Variants in CAMTA1 observed in about 807,000 individuals in gnomAD.
CAMTA1 encodes calmodulin-binding transcription activator 1.
CAMTA1 carries 27 observed loss-of-function variants against 170.9 expected under a neutral mutation model. The ratio of observed to expected loss-of-function variants is 0.16; its 90% CI spans 0.12 to 0.22. The LOEUF (loss-of-function observed/expected upper bound fraction) is 0.22. Ranked by LOEUF, CAMTA1 falls within the 10% of genes least tolerant of loss-of-function variation. CAMTA1 has a pLI of 1.00. For synonymous variants in CAMTA1, 833 were observed against 891.5 expected, an observed-to-expected ratio of 0.93 and a Z score of 1.17; for missense variants, 1,619 against 2,217.2, an observed-to-expected ratio of 0.73 and a Z score of 5.42.
intron 5 of CAMTA1, among the ~76,000 whole-genome samples, chr1:7,276,303 A>ATATATATATATATATATATATTTTTTTTT: frequency 8.3e-5 from 2 of 24,230 alleles, no homozygotes; most frequent in African/African-American, 5.9e-4. Flanking sequence ...ATATATATAT[A>ATATATATATATATATATATATTTTTTTTT]TTTTTTTTTT....
intron 5 of CAMTA1, among the ~76,000 whole-genome samples, chr1:7,450,428 A>G (rs1457762484): frequency 2.6e-5 from 4 of 152,218 alleles, no homozygotes; most frequent in African/African-American, 9.7e-5. Flanking sequence ...CAAGAAGGAA[A>G]GCAGGCGCCC....
chr1:7,243,819 C>A (rs1396566517), intron 4 of CAMTA1, among the ~76,000 whole-genome samples: 1 of 152,092 alleles, frequency 6.6e-6, no homozygotes, highest in Admixed American at 6.6e-5. Flanking sequence ...TTTTTCAGGA[C>A]ATAGGAATGG....
intron 5 of CAMTA1, among the ~76,000 whole-genome samples, chr1:7,405,097 C>T (rs2090193117): frequency 6.6e-6 from 1 of 152,036 alleles, no homozygotes; most frequent in African/African-American, 2.4e-5. Context: ...AGGCTGGTCT[C>T]TGTGGGCTAA....
At chr1:6,990,458 A>G (rs2100413981) in intron 3 of CAMTA1, among the ~76,000 whole-genome samples, 1 of 152,350 alleles carries the variant, frequency 6.6e-6, no homozygotes, top group East Asian at 1.9e-4. Context: ...ACAGTAAATC[A>G]CAGCTAACAG....
intron 1 of CAMTA1, among the ~76,000 whole-genome samples, chr1:6,814,309 T>G (rs1206924300): frequency 2.6e-5 from 4 of 152,186 alleles, no homozygotes; most frequent in Admixed American, 6.5e-5. Context: ...ACCCATCTCC[T>G]TCTCTTCCTC....
intron 3 of CAMTA1, among the ~76,000 whole-genome samples, chr1:6,890,551 G>A (rs568502779): frequency 6.6e-6 from 1 of 151,730 alleles, no homozygotes; most frequent in African/African-American, 2.4e-5. Flanking sequence ...TGCCCACTTA[G>A]GCTCTTGGAC....
At position 6,911,954 on chromosome 1, in the gene CAMTA1, C is replaced by T. The variant is rs1227762461; in HGVS notation, c.234+86744C>T. On this transcript the variant is annotated intron_variant, in intron 3 of 22. Transcript: ENST00000303635. ...AGCTGCTAAGATCAACTCCCTTTGTCTTCCTGAATCCCTGCTCTCTTTCCC... is the reference window on the plus strand; with the variant it reads ...AGCTGCTAAGATCAACTCCCTTTGTTTTCCTGAATCCCTGCTCTCTTTCCC... Among the ~76,000 whole-genome samples, 5 of 152,210 alleles carry T rather than the reference C, an allele frequency of 3.3e-5. No individual in the cohort carries two copies. The East Asian group carries it at 5.8e-4, about 18-fold the overall frequency.
At chr1:7,579,547 CTTTTCTTTTTT>C (rs1195756004) in intron 6 of CAMTA1, among the ~76,000 whole-genome samples, 1,810 of 110,952 alleles carry the variant, frequency 0.016, 22 homozygotes, top group African/African-American at 0.07. Context: ...CTTTTCTTTT[CTTTTCTTTTTT>C]TTTTTTTTTT....
chr1:7,749,324 G>A (rs550573757), intron 19 of CAMTA1, among the ~76,000 whole-genome samples: 8 of 152,198 alleles, frequency 5.3e-5, no homozygotes, highest in Middle Eastern at 6.8e-3. Context: ...GTGGGGGGAC[G>A]TCTTTGGCTT....
At chr1:7,372,359 G>A (rs946602209) in intron 5 of CAMTA1, among the ~76,000 whole-genome samples, 1 of 152,174 alleles carries the variant, frequency 6.6e-6, no homozygotes, top group South Asian at 2.1e-4. Flanking sequence ...ATTTTTGTGA[G>A]TATCCTTGCT....
rs1004169514 is a variant in CAMTA1 at position 7,565,294 on chromosome 1, C to T, written c.511-75106C>T. ...AGAAGTGGGCGCTGCCTTTGGGGCC[C>T]ACGGGCCTATGGGGATGGGAGTGAG... On this transcript the variant is annotated intron_variant, in intron 6 of 22. Coordinates refer to ENST00000303635, the MANE Select transcript of CAMTA1 (RefSeq NM_015215.4). The surrounding 1 kb of genome is among the most constrained non-coding windows in gnomAD (Gnocchi z 4.5). 6.6e-6 allele frequency among the ~76,000 whole-genome samples: 1 copy of T among 152,102 alleles called. No homozygotes were observed. The highest frequency in any genetic ancestry group is 2.4e-5 in the African/African-American group (1 of 41,418).
intron 5 of CAMTA1, among the ~76,000 whole-genome samples, chr1:7,407,594 T>TG (rs1400378144): frequency 6.6e-6 from 1 of 152,096 alleles, no homozygotes; most frequent in African/African-American, 2.4e-5. Context: ...GGGTGGGTGT[T>TG]GGGGGGTGAC....
Position 7,371,239 on chromosome 1 carries a change from TTTTGTTTG to T in CAMTA1, c.439-96563_439-96556del, listed in dbSNP as rs61520755. Among the ~76,000 whole-genome samples the T allele has an allele frequency of 2.8e-3, 406 of 147,364 alleles. 3 individuals are homozygous for T. Among genetic ancestry groups the T allele is most frequent in the African/African-American group, 9.4e-3 (372 of 39,508 alleles). ...ATGTGGCACTTTCTAATGCTCTGGG[TTTTGTTTG>T]TTTGTTTGTTTGTTTGTTTGTTTGT... is the stretch of plus-strand genomic sequence containing the variant. On this transcript the variant is annotated intron_variant, in intron 5 of 22. Transcript: ENST00000303635.
chr1:6,995,582 G>A (rs1006327626), intron 3 of CAMTA1, among the ~76,000 whole-genome samples: 22 of 152,038 alleles, frequency 1.4e-4, no homozygotes, highest in Non-Finnish European at 5.9e-5. Context: ...GATTACAGGC[G>A]TGAGCCACCG....
At position 7,211,600 on chromosome 1, in the gene CAMTA1, T is replaced by C. The variant is rs142854024; in HGVS notation, c.303-37891T>C. On this transcript the variant is annotated intron_variant, in intron 4 of 22. Coordinates refer to ENST00000303635, the MANE Select transcript of CAMTA1 (RefSeq NM_015215.4). Reference sequence around the variant, plus strand: ...GTGGTTCTTTGCACCCGTCATTCTTTGAGCGCTTCCTTTTTTCTGGTCCAG... The same window carrying C: ...GTGGTTCTTTGCACCCGTCATTCTTCGAGCGCTTCCTTTTTTCTGGTCCAG... 2.8e-3 allele frequency among the ~76,000 whole-genome samples: 420 copies of C among 152,332 alleles called. 1 individual carries two copies. Among genetic ancestry groups the C allele is most frequent in the African/African-American group, 9.7e-3 (403 of 41,576 alleles).
chr1:7,092,097 C>G lies in CAMTA1; in HGVS notation c.302+726C>G, dbSNP rs1641546371. Among the ~76,000 whole-genome samples, 1 of 152,234 alleles carries G rather than the reference C, an allele frequency of 6.6e-6. No homozygotes were observed. The highest frequency in any genetic ancestry group is 6.5e-5 in the Admixed American group (1 of 15,282). ...AGCTTCGGAAATACATGGCCACTCT[C>G]TTCCAATTGCCGTAAGTTTTCTGTT... On this transcript the variant is annotated intron_variant, in intron 4 of 22. Transcript: ENST00000303635. This position sits in a 1 kb window ranked among gnomAD's most constrained non-coding sequence, Gnocchi z 5.0.
chr1:6,836,613 G>A (rs372653624), intron 3 of CAMTA1, among the ~76,000 whole-genome samples: 9 of 152,260 alleles, frequency 5.9e-5, no homozygotes, highest in African/African-American at 1.4e-4. Flanking sequence ...GCATGTGCGC[G>A]TATGTGCATG....
Position 6,982,229 on chromosome 1 carries a change from A to G in CAMTA1, c.235-109075A>G, listed in dbSNP as rs189507631. ...GAGCACTCCCTGAGTGTTCTCTGGT[A>G]GGTGCGCCGATGGCCAGTGTCTGGG... On this transcript the variant is annotated intron_variant, in intron 3 of 22. Coordinates refer to ENST00000303635, the MANE Select transcript of CAMTA1 (RefSeq NM_015215.4). Among the ~76,000 whole-genome samples, 22 of 152,236 alleles carry G rather than the reference A, an allele frequency of 1.4e-4. No homozygotes were observed. The East Asian group carries it at 4.3e-3, about 29-fold the overall frequency.
intron 6 of CAMTA1, among the ~76,000 whole-genome samples, chr1:7,619,220 C>G (rs1036769633): frequency 6.6e-6 from 1 of 152,216 alleles, no homozygotes; most frequent in Non-Finnish European, 1.5e-5. Context: ...ATTCCTGCCC[C>G]TAGGGAGACA....
Sources: gnomAD v4.1 joint callset for allele counts (sites outside exome capture counted in the v4.1 genomes callset) on GRCh38, gnomAD v4.1.1 for gene constraint, Gnocchi (gnomAD v3.1) non-coding constraint, MANE v1.5 for transcripts, NCBI Gene and HGNC (gene_info 2026-07-23, HGNC 2026-07-21) for gene names.